The following PYGO1 variants were observed in gnomAD, a reference collection of about 807,000 sequenced individuals.
The protein encoded by PYGO1 is pygopus family PHD finger 1, also known as pygopus homolog 1.
PYGO1 carries 6 observed loss-of-function variants against 29.5 expected under a neutral mutation model. The ratio of observed to expected loss-of-function variants is 0.20; its 90% confidence interval spans 0.11 to 0.40. The LOEUF (loss-of-function observed/expected upper bound fraction) is 0.40. PYGO1 is among the 10% of genes least tolerant of loss of function. The pLI is 1.00. For synonymous variants in PYGO1, 186 were observed against 180.5 expected (o/e 1.03, Z -0.24); for missense variants, 515 against 514.9 (o/e 1.00, Z 0.00).
rs1338470355 is a variant in PYGO1 at position 55,538,939 on chromosome 15, T to C, written c.*7084A>G. 5 of 152,200 alleles carry C rather than the reference T, an allele frequency of 3.3e-5. No homozygotes were observed. Among genetic ancestry groups the C allele is most frequent in the East Asian group, 1.9e-4 (1 of 5,202 alleles). 9.4% of individuals were successfully genotyped at this position (152,200 alleles called of 1,614,324 possible). On this transcript the variant is annotated 3_prime_UTR_variant, in exon 3 of 3. Coordinates refer to ENST00000563719, the MANE Select transcript of PYGO1 (RefSeq NM_001367806.1). The stretch of plus-strand genomic sequence containing the variant: ...AAGAATCTGAACCATAATAACACTA[T>C]AGGAAACAAACTTACAATACATATT...
intron 1 of PYGO1, among the ~76,000 whole-genome samples, chr15:55,571,124 T>C (rs1223917753): frequency 6.6e-6 from 1 of 152,200 alleles, no homozygotes; most frequent in East Asian, 1.9e-4. Flanking sequence ...GTACTTGTCT[T>C]TCTGTGACTG....
Position 55,554,468 on chromosome 15 carries a change from C to CAAAAAAAAA in PYGO1, c.50-5482_50-5474dup, listed in dbSNP as rs56216226. On this transcript the variant is annotated intron_variant, in intron 1 of 2. Coordinates refer to ENST00000563719, the MANE Select transcript of PYGO1 (RefSeq NM_001367806.1). ...TGGGTGACAGAGCAAGACTCTGTCT[C>CAAAAAAAAA]AAAAAAAAAAAAAAAAAAAAAAAAA... Among the ~76,000 whole-genome samples, 656 of 122,696 alleles carry CAAAAAAAAA rather than the reference C, an allele frequency of 5.3e-3. 23 individuals carry two copies. Among genetic ancestry groups the CAAAAAAAAA allele is most frequent in the African/African-American group, 0.015 (462 of 30,230 alleles). 80.5% of individuals were successfully genotyped at this position (122,696 alleles called of 152,430 possible). A position where few individuals can be genotyped will look rare whatever the true frequency, so the allele number is the denominator to read the frequency against.
At position 55,547,131 on chromosome 15, in the gene PYGO1, G is replaced by A; in HGVS notation, c.152C>T (p.Pro51Leu). The change falls in exon 3 of 3, where the codon CCA becomes CTA. Residue 51 changes from proline (P) to leucine (L), a missense_variant. Transcript: ENST00000563719. Reference protein sequence around the residue: ...KANTQGPSFPPLSEYAPPPNP... With the variant: ...KANTQGPSFPLLSEYAPPPNP... ...CGGTGGTGGAGCATACTCAGACAAT[G>A]GAGGGAAAGAAGGTCCCTGAAATGA... 7 of 1,597,950 alleles carry A rather than the reference G, an allele frequency of 4.4e-6. No homozygotes were observed. Among genetic ancestry groups the A allele is most frequent in the Non-Finnish European group, 6.0e-6 (7 of 1,172,198 alleles).
chr15:55,573,054 C>G (rs1220520258), intron 1 of PYGO1, among the ~76,000 whole-genome samples: 1 of 150,612 alleles, frequency 6.6e-6, no homozygotes, highest in Non-Finnish European at 1.5e-5. Context: ...TGTCTGTAAT[C>G]CCAGCACTTT....
At chr15:55,574,214 A>G (rs560507663) in intron 1 of PYGO1, among the ~76,000 whole-genome samples, 187 of 152,374 alleles carry the variant, frequency 1.2e-3, no homozygotes, top group African/African-American at 3.8e-3. Flanking sequence ...CTGCTTTCAT[A>G]GAGATGATTA....
chr15:55,546,485 C>T lies in PYGO1; in HGVS notation c.798G>A (p.Val266=), dbSNP rs780878617. The change falls in exon 3 of 3, where the codon GTG becomes GTA. Residue 266 remains valine (V), a synonymous_variant. Coordinates refer to ENST00000563719, the MANE Select transcript of PYGO1 (RefSeq NM_001367806.1). ...TTTTTAATTCAATATTACTCTGATT[C>T]ACTGTGTCATCCATATTCAAGTGAG... ...HPPHLNMDDT[V]NQSNIELKNV... 5.6e-6 allele frequency: 9 copies of T among 1,614,084 alleles called. No homozygotes were observed. The highest frequency in any genetic ancestry group is 7.6e-6 in the Non-Finnish European group (9 of 1,180,020).
chr15:55,553,030 A>G (rs1214277370), intron 1 of PYGO1, among the ~76,000 whole-genome samples: 2 of 152,182 alleles, frequency 1.3e-5, no homozygotes, highest in Admixed American at 1.3e-4. Flanking sequence ...CCATCTCTGC[A>G]GTTGACTCAG....
In PYGO1 at chr15:55,567,150, C is replaced by G. The variant is rs539121571; in HGVS notation, c.50-18155G>C. Among the ~76,000 whole-genome samples the G allele has an allele frequency of 2.8e-5, 4 of 142,680 alleles. No homozygotes were observed. In the East Asian group the frequency reaches 8.6e-4, roughly 31 times the overall value. 93.6% of individuals were successfully genotyped at this position (142,680 alleles called of 152,430 possible). A position where few individuals can be genotyped will look rare whatever the true frequency, so the allele number is the denominator to read the frequency against. ...AACATTGCTTCATGTTTCTTGGCCACTTGCACGGCTTCTTTTGAGAAATAT... is the reference window on the plus strand; with the variant it reads ...AACATTGCTTCATGTTTCTTGGCCAGTTGCACGGCTTCTTTTGAGAAATAT... On this transcript the variant is annotated intron_variant, in intron 1 of 2. Coordinates refer to ENST00000563719, the MANE Select transcript of PYGO1 (RefSeq NM_001367806.1).
At chr15:55,561,242 T>A (rs118102784) in intron 1 of PYGO1, among the ~76,000 whole-genome samples, 1 of 152,158 alleles carries the variant, frequency 6.6e-6, no homozygotes, top group Non-Finnish European at 1.5e-5. Flanking sequence ...GGGGAATAGA[T>A]TCTCTATTTA....
intron 1 of PYGO1, among the ~76,000 whole-genome samples, chr15:55,568,895 T>C (rs938097996): frequency 1.3e-5 from 2 of 152,214 alleles, no homozygotes; most frequent in African/African-American, 2.4e-5. Flanking sequence ...ATCACACTTA[T>C]TGATTTGCTT....
In PYGO1 at chr15:55,565,973, C is replaced by G. The variant is rs111624990; in HGVS notation, c.50-16978G>C. Among the ~76,000 whole-genome samples, 78 of 152,164 alleles carry G rather than the reference C, an allele frequency of 5.1e-4. 2 individuals carry two copies. Among genetic ancestry groups the G allele is most frequent in the African/African-American group, 1.5e-3 (64 of 41,534 alleles). On this transcript the variant is annotated intron_variant, in intron 1 of 2. Coordinates refer to ENST00000563719, the MANE Select transcript of PYGO1 (RefSeq NM_001367806.1). ...ATTTTTGTATTTTTAGTAGAGACAGCGGTTCTACCATGTTGGCCAAGTTGG... is the reference window on the plus strand; with the variant it reads ...ATTTTTGTATTTTTAGTAGAGACAGGGGTTCTACCATGTTGGCCAAGTTGG...
intron 1 of PYGO1, among the ~76,000 whole-genome samples, chr15:55,550,393 C>A (rs954240566): frequency 6.6e-6 from 1 of 152,116 alleles, no homozygotes; most frequent in African/African-American, 2.4e-5. Flanking sequence ...AAATTTCTGC[C>A]CCTCCTGTCT....
chr15:55,568,339 T>TGTGTGTGTGTGTGTGTGC (rs1411395247), intron 1 of PYGO1, among the ~76,000 whole-genome samples: 4 of 150,906 alleles, frequency 2.7e-5, no homozygotes, highest in African/African-American at 9.7e-5. Context: ...TGTGTGTGTG[T>TGTGTGTGTGTGTGTGTGC]GTGTGTGTGT....
At chr15:55,584,757 G>A (rs1487315106) in intron 1 of PYGO1, among the ~76,000 whole-genome samples, 1 of 152,182 alleles carries the variant, frequency 6.6e-6, no homozygotes, top group Admixed American at 6.5e-5. Context: ...GAAGGTTTGG[G>A]GGTGGAGTGT....
chr15:55,542,484 A>G lies in PYGO1; in HGVS notation c.*3539T>C, dbSNP rs1234356995. On this transcript the variant is annotated 3_prime_UTR_variant, in exon 3 of 3. Transcript: ENST00000563719. Reference sequence around the variant, plus strand: ...AAAGGAAAACACTGATCACAAATCTAATTCTAAGCACTCTGTCTGAAGAAC... The same window carrying G: ...AAAGGAAAACACTGATCACAAATCTGATTCTAAGCACTCTGTCTGAAGAAC... The G allele has an allele frequency of 6.6e-6, 1 of 152,240 alleles. No homozygotes were observed. Among genetic ancestry groups the G allele is most frequent in the African/African-American group, 2.4e-5 (1 of 41,464 alleles). 9.4% of individuals were successfully genotyped at this position (152,240 alleles called of 1,614,324 possible). A position where few individuals can be genotyped will look rare whatever the true frequency, so the allele number is the denominator to read the frequency against.
chr15:55,552,311 G>T (rs941524491), intron 1 of PYGO1, among the ~76,000 whole-genome samples: 1 of 137,260 alleles, frequency 7.3e-6, no homozygotes, highest in South Asian at 2.3e-4. Flanking sequence ...AGTTGAGATC[G>T]CACCACTGCA....
intron 1 of PYGO1, among the ~76,000 whole-genome samples, chr15:55,567,906 G>A (rs770423649): frequency 1.3e-5 from 2 of 152,132 alleles, no homozygotes; most frequent in African/African-American, 2.4e-5. Context: ...CTACAAGTAT[G>A]TGGCTTTATT....
intron 1 of PYGO1, among the ~76,000 whole-genome samples, chr15:55,566,366 T>G (rs1008827719): frequency 4.0e-5 from 6 of 149,388 alleles, no homozygotes; most frequent in Non-Finnish European, 7.4e-5. Flanking sequence ...GATAACGGCC[T>G]CCAGTTGCAT....
chr15:55,550,451 C>T (rs1233041316), intron 1 of PYGO1, among the ~76,000 whole-genome samples: 1 of 152,166 alleles, frequency 6.6e-6, no homozygotes, highest in East Asian at 1.9e-4. Flanking sequence ...CTCTCTGGCA[C>T]TGGTAGTCCA....
Sources: gnomAD v4.1 joint callset for allele counts (sites outside exome capture counted in the v4.1 genomes callset) on GRCh38, gnomAD v4.1.1 for gene constraint, MANE v1.5 for transcripts, NCBI Gene and HGNC (gene_info 2026-07-23, HGNC 2026-07-21) for gene names.